SNF8: variants seen among roughly 807,000 people sequenced by gnomAD.
The protein encoded by SNF8 is vacuolar-sorting protein SNF8.
A neutral mutation model predicts 36.8 loss-of-function variants in SNF8; 19 were observed. That is an observed-to-expected ratio of 0.52 (90% CI 0.36 to 0.76). The LOEUF (loss-of-function observed/expected upper bound fraction) is 0.76, where lower values mean the gene tolerates loss of function less well. SNF8 is among the 30% of genes least tolerant of loss of function. The pLI, the probability that SNF8 is intolerant of heterozygous loss-of-function variation, is 0.00. For missense variants in SNF8, 268 were observed against 322.9 expected (o/e 0.83, Z 1.30); for synonymous variants, 127 against 127.4 (o/e 1.00, Z 0.02).
At position 48,930,494 on chromosome 17, in the gene SNF8, GCCT is replaced by G. The variant is rs2040841438; in HGVS notation, c.755_757del (p.Glu252del). ...ATGCAGTCAGGGGAGGGCTTCTCTG[GCCT>G]CCTCAGCTGTAATCTCCTGGGAGTA... On this transcript the variant is annotated inframe_deletion, in exon 8 of 8. Coordinates refer to ENST00000502492, the MANE Select transcript of SNF8 (RefSeq NM_007241.4). The G allele has an allele frequency of 4.4e-6, 7 of 1,608,388 alleles. No homozygotes were observed. Among genetic ancestry groups the G allele is most frequent in the African/African-American group, 1.3e-5 (1 of 74,814 alleles).
At chr17:48,931,766 C>T (rs2040863293) in intron 6 of SNF8, 49 bp from the exon 7 acceptor site, 2 of 1,462,148 alleles carry the variant, frequency 1.4e-6, no homozygotes, top group African/African-American at 1.4e-5. Flanking sequence ...TGCACCTTCC[C>T]TTAGAACCCA....
intron 2 of SNF8, among the ~76,000 whole-genome samples, chr17:48,943,440 T>C (rs1414914047): frequency 6.6e-6 from 1 of 152,118 alleles, no homozygotes; most frequent in Non-Finnish European, 1.5e-5. Context: ...GAAACCCGTC[T>C]CTACTAAAAA....
At chr17:48,933,966 C>G (rs2040897971) in intron 5 of SNF8, among the ~76,000 whole-genome samples, 1 of 152,220 alleles carries the variant, frequency 6.6e-6, no homozygotes, top group Admixed American at 6.5e-5. Context: ...CTGTGGCAAA[C>G]TAGAGAATGC....
chr17:48,944,801 G>A lies in SNF8; in HGVS notation c.-67C>T, dbSNP rs1467235352. 6.1e-6 allele frequency: 9 copies of A among 1,482,262 alleles called. No homozygotes were observed. Among genetic ancestry groups the A allele is most frequent in the African/African-American group, 4.4e-5 (3 of 68,582 alleles). The allele number at this position is 1,482,262 out of a possible 1,614,324, so 91.8% of individuals were successfully genotyped here. ...GGGTCTCCACGTCCCGGACTCCGCC[G>A]CCGGCTCCCCAAGGCGGAAGCCCGA... On this transcript the variant is annotated 5_prime_UTR_variant, in exon 1 of 8. Coordinates refer to ENST00000502492, the MANE Select transcript of SNF8 (RefSeq NM_007241.4).
At chr17:48,937,477 T>A (rs905984223) in intron 3 of SNF8, among the ~76,000 whole-genome samples, 4 of 151,614 alleles carry the variant, frequency 2.6e-5, no homozygotes, top group African/African-American at 7.3e-5. Context: ...ATAATAATAA[T>A]AAATTAGCCA....
At chr17:48,933,694 C>T (rs536385655) in intron 5 of SNF8, 8 of 221,420 alleles carry the variant, frequency 3.6e-5, no homozygotes, top group South Asian at 1.5e-4. Context: ...TGATTGTGCA[C>T]CACTGTACTC....
chr17:48,937,161 A>C, intron 3 of SNF8, 37 bp from the exon 4 acceptor site: 1 of 1,420,582 alleles, frequency 7.0e-7, no homozygotes, highest in Non-Finnish European at 1.0e-6. Flanking sequence ...GTTATTGATT[A>C]ATTTACATCC....
At position 48,933,291 on chromosome 17, in the gene SNF8, T is replaced by C. The variant is rs766605698; in HGVS notation, c.478A>G (p.Ile160Val). Reference protein sequence around the residue: ...KLKALGTGFGIIPVGGTYLIQ... With the variant: ...KLKALGTGFGVIPVGGTYLIQ... Reference sequence around the variant, plus strand: ...AGGTAAGTGCCGCCCACAGGGATGATGCCGAAGCCAGTGCCAAGTGCCTTT... The same window carrying C: ...AGGTAAGTGCCGCCCACAGGGATGACGCCGAAGCCAGTGCCAAGTGCCTTT... Residue 160 changes from isoleucine (I) to valine (V), a missense_variant, in exon 6 of 8, where the codon ATC becomes GTC. Coordinates refer to ENST00000502492, the MANE Select transcript of SNF8 (RefSeq NM_007241.4). 6 of 1,614,220 alleles carry C rather than the reference T, an allele frequency of 3.7e-6. No homozygotes were observed. The South Asian group carries it at 6.6e-5, about 18-fold the overall frequency.
chr17:48,936,135 T>C (rs2040930780), intron 5 of SNF8, 35 bp downstream of exon 5: 7 of 1,535,978 alleles, frequency 4.6e-6, no homozygotes, highest in Non-Finnish European at 6.3e-6. Flanking sequence ...AAAGACCTCT[T>C]TCTGTACTCC....
At chr17:48,931,343 CTACAT>C (rs1191614031) in intron 7 of SNF8, among the ~76,000 whole-genome samples, 1 of 152,184 alleles carries the variant, frequency 6.6e-6, no homozygotes, top group Non-Finnish European at 1.5e-5. Flanking sequence ...CCAGTACAAA[CTACAT>C]TAATCTCCTG....
At position 48,931,677 on chromosome 17, in the gene SNF8, A is replaced by G; in HGVS notation, c.605T>C (p.Leu202Pro). 6.2e-7 allele frequency: 1 copy of G among 1,613,524 alleles called. No homozygotes were observed. Among genetic ancestry groups the G allele is most frequent in the Non-Finnish European group, 8.5e-7 (1 of 1,179,744 alleles). ...YVTVSEIKAS[L>P]KWETERARQV... The stretch of plus-strand genomic sequence containing the variant: ...CCGCGCTCGCTCGGTCTCCCATTTA[A>G]GACTGGCTTTGATCTCACTGACAGT... The change falls in exon 7 of 8, where the codon CTT becomes CCT. Residue 202 changes from leucine (L) to proline (P), a missense_variant. Coordinates refer to ENST00000502492, the MANE Select transcript of SNF8 (RefSeq NM_007241.4).
At position 48,930,434 on chromosome 17, in the gene SNF8, G is replaced by T. The variant is rs369290215; in HGVS notation, c.*41C>A. ...TTGCCCAGGTTTATTTGCCACCTCC[G>T]CCTCCTCCCTGCCTGCTGCTGTGTG... On this transcript the variant is annotated 3_prime_UTR_variant, in exon 8 of 8. Coordinates refer to ENST00000502492, the MANE Select transcript of SNF8 (RefSeq NM_007241.4). The T allele has an allele frequency of 6.8e-7, 1 of 1,461,838 alleles. No homozygotes were observed. Among genetic ancestry groups the T allele is most frequent in the Non-Finnish European group, 9.1e-7 (1 of 1,095,332 alleles). 90.6% of individuals were successfully genotyped at this position (1,461,838 alleles called of 1,614,324 possible).
intron 7 of SNF8, among the ~76,000 whole-genome samples, chr17:48,930,907 T>C (rs1201213239): frequency 1.3e-5 from 2 of 152,324 alleles, no homozygotes; most frequent in African/African-American, 2.4e-5. Context: ...CTGTGTGGCC[T>C]TCAGCAAATC....
chr17:48,935,264 A>G (rs1023823543), intron 5 of SNF8, among the ~76,000 whole-genome samples: 1 of 152,184 alleles, frequency 6.6e-6, no homozygotes, highest in African/African-American at 2.4e-5. Context: ...CTGTAATCCC[A>G]GCACTTTGGG....
Position 48,944,832 on chromosome 17 carries a change from G to A in SNF8, c.-98C>T. ...TCCCCAAGGCGGAAGCCCGAGCCGC[G>A]CGTCATCTGCACGCGCCGGAAGCCA... On this transcript the variant is annotated 5_prime_UTR_variant, in exon 1 of 8. Coordinates refer to ENST00000502492, the MANE Select transcript of SNF8 (RefSeq NM_007241.4). 1 of 1,396,394 alleles carries A rather than the reference G, an allele frequency of 7.2e-7. No individual in the cohort carries two copies. The highest frequency in any genetic ancestry group is 9.2e-7 in the Non-Finnish European group (1 of 1,086,216). The allele number at this position is 1,396,394 out of a possible 1,614,324, so 86.5% of individuals were successfully genotyped here. A position where few individuals can be genotyped will look rare whatever the true frequency, so the allele number is the denominator to read the frequency against.
intron 6 of SNF8, 36 bp from the exon 7 acceptor site, chr17:48,931,753 G>T: frequency 6.5e-7 from 1 of 1,543,024 alleles, no homozygotes; most frequent in Non-Finnish European, 8.9e-7. Flanking sequence ...AATCAGTTAA[G>T]AGTGCACCTT....
At position 48,937,006 on chromosome 17, in the gene SNF8, C is replaced by G. The variant is rs1424073321; in HGVS notation, c.349+14G>C. 6.3e-7 allele frequency: 1 copy of G among 1,595,924 alleles called. No homozygotes were observed. The highest frequency in any genetic ancestry group is 1.1e-5 in the South Asian group (1 of 90,774). ...AAGTCCAGAGTCCAGTTCACAGGACCTAGCCACCCTCACCTCCATTCCGAT... is the reference window on the plus strand; with the variant it reads ...AAGTCCAGAGTCCAGTTCACAGGACGTAGCCACCCTCACCTCCATTCCGAT... On this transcript the variant is annotated intron_variant, in intron 4 of 7. Coordinates refer to ENST00000502492, the MANE Select transcript of SNF8 (RefSeq NM_007241.4).
chr17:48,937,549 G>C (rs1036241613), intron 3 of SNF8, among the ~76,000 whole-genome samples: 3 of 151,472 alleles, frequency 2.0e-5, no homozygotes, highest in Admixed American at 6.6e-5. Flanking sequence ...AGAATTGCTG[G>C]AACCCAGGAG....
intron 3 of SNF8, among the ~76,000 whole-genome samples, chr17:48,939,256 C>T (rs546303592): frequency 1.3e-3 from 183 of 142,814 alleles, no homozygotes; most frequent in Middle Eastern, 7.0e-3. Flanking sequence ...CAGAGTGAGA[C>T]TCTGTCTCAA....
Sources: allele counts gnomAD v4.1 joint callset (sites outside exome capture counted in the v4.1 genomes callset), GRCh38; gene constraint gnomAD v4.1.1; transcripts MANE v1.5; gene names NCBI Gene and HGNC (gene_info 2026-07-23, HGNC 2026-07-21).